The following FLT3 variants were observed in gnomAD, a reference collection of about 807,000 sequenced individuals.
FLT3 encodes fms related receptor tyrosine kinase 3.
In FLT3, 46 loss-of-function variants were observed where a neutral mutation model predicts 126.6. That is an observed-to-expected ratio of 0.36 (90% CI 0.29 to 0.46). FLT3 has a LOEUF of 0.46. Ranked by LOEUF, FLT3 falls within the 20% of genes least tolerant of loss-of-function variation. The pLI, the probability that FLT3 is intolerant of heterozygous loss-of-function variation, is 1.00. For missense variants in FLT3, 1,069 were observed against 1,190.3 expected, an observed-to-expected ratio of 0.90 and a Z score of 1.50; for synonymous variants, 404 against 434.4, an observed-to-expected ratio of 0.93 and a Z score of 0.87.
In FLT3 at chr13:28,049,644, T is replaced by C; in HGVS notation, c.873A>G (p.Ala291=). 1 of 1,614,094 alleles carries C rather than the reference T, an allele frequency of 6.2e-7. No homozygotes were observed. The highest frequency in any genetic ancestry group is 8.5e-7 in the Non-Finnish European group (1 of 1,179,996). Residue 291 remains alanine, a synonymous_variant, in exon 7 of 24, where the codon GCA becomes GCG. Coordinates refer to ENST00000241453, the MANE Select transcript of FLT3 (RefSeq NM_004119.3). ...AAACTTGTCCTATTACCTCCTCGAG[T>C]GCTTTGTTTTCTAATTCCCAGGTGA... ...FGLTWELENK[A]LEEGNYFEMS...
intron 10 of FLT3, among the ~76,000 whole-genome samples, chr13:28,036,276 T>C (rs1430359890): frequency 6.6e-6 from 1 of 152,206 alleles, no homozygotes; most frequent in Non-Finnish European, 1.5e-5. Flanking sequence ...AGGCTACCCA[T>C]TTACTCCAGG....
At chr13:28,005,493 T>C (rs1357403414) in intron 23 of FLT3, among the ~76,000 whole-genome samples, 1 of 152,252 alleles carries the variant, frequency 6.6e-6, no homozygotes, top group African/African-American at 2.4e-5. Context: ...ATGTTGCCTG[T>C]GTCACATATT....
At chr13:28,088,573 C>G (rs1188899418) in intron 1 of FLT3, among the ~76,000 whole-genome samples, 1 of 144,468 alleles carries the variant, frequency 6.9e-6, no homozygotes, top group African/African-American at 2.5e-5. Context: ...CAGGTGTGAG[C>G]CATCCAAAAC....
intron 20 of FLT3, among the ~76,000 whole-genome samples, chr13:28,016,564 T>C (rs983963543): frequency 6.6e-6 from 1 of 152,208 alleles, no homozygotes; most frequent in Non-Finnish European, 1.5e-5. Context: ...CCACCACACC[T>C]GGCTGTACTG....
At chr13:28,004,336 C>T (rs933976733) in intron 23 of FLT3, among the ~76,000 whole-genome samples, 162 bp from the exon 24 acceptor site, 2 of 152,106 alleles carry the variant, frequency 1.3e-5, no homozygotes, top group East Asian at 1.9e-4. Flanking sequence ...GACAGAGTCT[C>T]GCTCTGTTGC....
chr13:28,031,389 G>A (rs750018614), intron 15 of FLT3, among the ~76,000 whole-genome samples: 3 of 152,172 alleles, frequency 2.0e-5, no homozygotes, highest in African/African-American at 4.8e-5. Flanking sequence ...CATGGTGGAA[G>A]GGGAGGAGAA....
At chr13:28,073,706 G>T (rs1382823499) in intron 1 of FLT3, among the ~76,000 whole-genome samples, 1 of 151,976 alleles carries the variant, frequency 6.6e-6, no homozygotes, top group Non-Finnish European at 1.5e-5. Context: ...GGCCAAGGTG[G>T]GAGGATCACT....
chr13:28,068,618 G>T lies in FLT3; in HGVS notation c.165+1873C>A, dbSNP rs962038151. 1.8e-4 allele frequency among the ~76,000 whole-genome samples: 27 copies of T among 152,078 alleles called. 1 individual carries two copies. The highest frequency in any genetic ancestry group is 1.8e-3 in the Admixed American group (27 of 15,260). ...TTTGGGAGGCCAAGGCAGGCTGGAG[G>T]GCAGTGGCACAATCTTGGCTCACTG... On this transcript the variant is annotated intron_variant, in intron 2 of 23. Transcript: ENST00000241453.
At chr13:28,090,435 A>T (rs1878960359) in intron 1 of FLT3, among the ~76,000 whole-genome samples, 1 of 152,196 alleles carries the variant, frequency 6.6e-6, no homozygotes. Flanking sequence ...CTGCATACTA[A>T]AGAGGATGAA....
chr13:28,026,819 C>A (rs1872844609), intron 17 of FLT3, among the ~76,000 whole-genome samples: 1 of 152,176 alleles, frequency 6.6e-6, no homozygotes, highest in African/African-American at 2.4e-5. Context: ...AATAATGCAC[C>A]TTTCCCCAAA....
intron 2 of FLT3, chr13:28,067,920 G>A: frequency 2.6e-6 from 1 of 388,572 alleles, no homozygotes; most frequent in Non-Finnish European, 5.1e-6. Context: ...CAGGCCACCT[G>A]CCTGAAATAT....
chr13:28,090,629 C>G (rs114553060), intron 1 of FLT3, among the ~76,000 whole-genome samples: 1 of 151,956 alleles, frequency 6.6e-6, no homozygotes, highest in South Asian at 2.1e-4. Context: ...AATACAAAAA[C>G]TACCCTAGTG....
At chr13:28,048,608 T>TCC (rs763505336) in intron 8 of FLT3, among the ~76,000 whole-genome samples, 165 bp from the exon 9 acceptor site, 3 of 152,084 alleles carry the variant, frequency 2.0e-5, no homozygotes, top group Non-Finnish European at 4.4e-5. Context: ...AGGAGTCCTA[T>TCC]CCCTAGTTCT....
In FLT3 at chr13:28,015,504, G is replaced by C. The variant is rs566727305; in HGVS notation, c.2653+86C>G. ...GCTGCAATACAAGTAAGACCCATCA[G>C]TGTTGGGGGGAGGGGTGGGGCGGCA... On this transcript the variant is annotated intron_variant, in intron 21 of 23. Transcript: ENST00000241453. 3.9e-5 allele frequency: 29 copies of C among 737,650 alleles called. No homozygotes were observed. In the African/African-American group the frequency reaches 4.5e-4, roughly 11 times the overall value. 45.7% of individuals were successfully genotyped at this position (737,650 alleles called of 1,614,324 possible).
At chr13:28,045,342 G>A (rs1874757193) in intron 9 of FLT3, among the ~76,000 whole-genome samples, 1 of 152,216 alleles carries the variant, frequency 6.6e-6, no homozygotes, top group Non-Finnish European at 1.5e-5. Flanking sequence ...CACCCATCAA[G>A]AGGATATTAA....
intron 23 of FLT3, among the ~76,000 whole-genome samples, chr13:28,009,976 C>T (rs913984508): frequency 6.6e-6 from 1 of 152,188 alleles, no homozygotes; most frequent in Admixed American, 6.5e-5. Flanking sequence ...AGTATGTGCC[C>T]CCTTTTATCA....
intron 15 of FLT3, among the ~76,000 whole-genome samples, chr13:28,032,032 G>A (rs372060120): frequency 3.3e-5 from 5 of 152,146 alleles, no homozygotes; most frequent in South Asian, 2.1e-4. Context: ...GACACTAATC[G>A]GAAACCTGAT....
chr13:28,045,586 G>A (rs556077978), intron 9 of FLT3, among the ~76,000 whole-genome samples: 5 of 152,228 alleles, frequency 3.3e-5, no homozygotes, highest in South Asian at 2.1e-4. Flanking sequence ...TGGGCCAGGC[G>A]CGGTGGCTCA....
chr13:28,091,390 T>G (rs1453186592), intron 1 of FLT3, among the ~76,000 whole-genome samples: 3 of 147,756 alleles, frequency 2.0e-5, no homozygotes, highest in Non-Finnish European at 4.5e-5. Context: ...CCCGGCTAAT[T>G]TTTTGTATTT....
Sources: gnomAD v4.1 joint callset for allele counts (sites outside exome capture counted in the v4.1 genomes callset) on GRCh38, gnomAD v4.1.1 for gene constraint, MANE v1.5 for transcripts, NCBI Gene and HGNC (gene_info 2026-07-23, HGNC 2026-07-21) for gene names.